Variants in C8orf34 observed in about 807,000 individuals in gnomAD.
C8orf34 encodes uncharacterized protein C8orf34.
Under a neutral mutation model 68.3 loss-of-function variants are expected in C8orf34, and 65 were observed. That is an observed-to-expected ratio of 0.95 (90% confidence interval 0.78 to 1.17). The LOEUF is 1.17. Ranked by LOEUF, C8orf34 falls within the 50% of genes most tolerant of loss-of-function variation. The pLI is 0.00. For synonymous variants in C8orf34, 244 were observed against 241.2 expected (o/e 1.01, Z -0.11); for missense variants, 664 against 655.4 (o/e 1.01, Z -0.14).
chr8:68,346,092 T>A (rs562212595), intron 1 of C8orf34, among the ~76,000 whole-genome samples: 1 of 152,272 alleles, frequency 6.6e-6, no homozygotes, highest in South Asian at 2.1e-4. Context: ...AAATAGAATA[T>A]GTTATTTATT....
chr8:68,368,105 G>T (rs1807392993), intron 1 of C8orf34, among the ~76,000 whole-genome samples: 1 of 152,028 alleles, frequency 6.6e-6, no homozygotes. Context: ...GCTCAGCAAA[G>T]TCATTATGCC....
intron 12 of C8orf34, chr8:68,792,231 GAAAT>G: frequency 6.6e-6 from 1 of 152,068 alleles, no homozygotes; most frequent in East Asian, 1.9e-4. Context: ...AGAAAGGAAA[GAAAT>G]AAGACAATCA....
At chr8:68,503,580 G>A (rs1813871187) in intron 5 of C8orf34, among the ~76,000 whole-genome samples, 2 of 151,914 alleles carry the variant, frequency 1.3e-5, no homozygotes, top group Admixed American at 6.6e-5. Context: ...GGGGAGAAGA[G>A]AGAATATTGG....
chr8:68,569,468 C>T (rs1237315244), intron 7 of C8orf34, among the ~76,000 whole-genome samples: 4 of 151,722 alleles, frequency 2.6e-5, no homozygotes, highest in Non-Finnish European at 4.4e-5. Context: ...CCTCCACCTT[C>T]ATTGATGCCC....
intron 10 of C8orf34, among the ~76,000 whole-genome samples, chr8:68,733,744 A>G (rs1420360847): frequency 6.6e-6 from 1 of 152,218 alleles, no homozygotes; most frequent in Non-Finnish European, 1.5e-5. Context: ...AGCTTAAATC[A>G]TATTCACAAG....
At chr8:68,603,533 C>CATACA (rs1817764536) in intron 7 of C8orf34, among the ~76,000 whole-genome samples, 5 of 85,524 alleles carry the variant, frequency 5.8e-5, no homozygotes, top group African/African-American at 5.7e-4. Context: ...ATCTATCTAT[C>CATACA]TATCTATCTA....
intron 7 of C8orf34, among the ~76,000 whole-genome samples, chr8:68,546,881 C>T (rs1451253721): frequency 6.6e-6 from 1 of 151,608 alleles, no homozygotes; most frequent in Non-Finnish European, 1.5e-5. Flanking sequence ...ATAATTCAAA[C>T]TAAATGATAA....
intron 8 of C8orf34, among the ~76,000 whole-genome samples, chr8:68,652,568 A>G (rs1819393421): frequency 6.6e-6 from 1 of 152,100 alleles, no homozygotes. Context: ...TCTATGATGT[A>G]TTTTGACTTA....
intron 10 of C8orf34, among the ~76,000 whole-genome samples, chr8:68,737,069 T>C (rs1822142430): frequency 6.6e-6 from 1 of 152,114 alleles, no homozygotes; most frequent in Admixed American, 6.6e-5. Context: ...CTATAAGTAA[T>C]AGGATTTAGT....
chr8:68,465,656 A>T (rs1372114183), intron 3 of C8orf34, among the ~76,000 whole-genome samples: 2 of 152,124 alleles, frequency 1.3e-5, no homozygotes, highest in Non-Finnish European at 2.9e-5. Context: ...TTGTAGGGAC[A>T]CGGATGAAAT....
chr8:68,356,354 TG>T (rs1378618721), intron 1 of C8orf34, among the ~76,000 whole-genome samples: 1 of 152,168 alleles, frequency 6.6e-6, no homozygotes, highest in Non-Finnish European at 1.5e-5. Flanking sequence ...ACATATTTAT[TG>T]GGTACTATAT....
At chr8:68,478,221 C>T (rs1483177168) in intron 4 of C8orf34, among the ~76,000 whole-genome samples, 2 of 151,220 alleles carry the variant, frequency 1.3e-5, no homozygotes, top group Non-Finnish European at 3.0e-5. Context: ...GATAATCTCT[C>T]TCAAGTTCAA....
At chr8:68,807,547 T>C (rs1284344429) in intron 12 of C8orf34, among the ~76,000 whole-genome samples, 1 of 152,230 alleles carries the variant, frequency 6.6e-6, no homozygotes, top group African/African-American at 2.4e-5. Context: ...TTTAATTTTC[T>C]TATTAAGCAT....
chr8:68,439,436 A>C, intron 1 of C8orf34, 63 bp from the exon 2 acceptor site: 2 of 1,503,978 alleles, frequency 1.3e-6, no homozygotes, highest in Non-Finnish European at 9.1e-7. Context: ...ATGCTAAGTA[A>C]GTGCTTGCTA....
At chr8:68,436,652 G>A (rs903310179) in intron 1 of C8orf34, among the ~76,000 whole-genome samples, 1 of 152,112 alleles carries the variant, frequency 6.6e-6, no homozygotes, top group African/African-American at 2.4e-5. Context: ...TGGAAGTGCC[G>A]TTTCCTACTG....
At chr8:68,772,723 CTTTT>C (rs1354431309) in intron 10 of C8orf34, among the ~76,000 whole-genome samples, 3 of 81,168 alleles carry the variant, frequency 3.7e-5, no homozygotes, top group Non-Finnish European at 7.0e-5. Flanking sequence ...TTCTTTCTTT[CTTTT>C]TCTTTCTTTC....
chr8:68,521,896 T>C lies in C8orf34; in HGVS notation c.863T>C (p.Met288Thr). 1.2e-6 allele frequency: 2 copies of C among 1,614,114 alleles called. No homozygotes were observed. Among genetic ancestry groups the C allele is most frequent in the East Asian group, 4.5e-5 (2 of 44,862 alleles). Residue 288 changes from methionine to threonine, a missense_variant, in exon 6 of 14, where the codon ATG (methionine) becomes ACG (threonine). Physicochemically the swap from Met to Thr is moderately conservative, Grantham distance 81. Coordinates refer to ENST00000518698, the MANE Select transcript of C8orf34 (RefSeq NM_052958.4). ...GATGCTGATCCCCTAGCTGCTGAAA[T>C]GCTACAGCCTCCAATTCCAAGAAGC... is the stretch of plus-strand genomic sequence containing the variant. Reference protein sequence around the residue: ...ENDADPLAAEMLQPPIPRSKN... With the variant: ...ENDADPLAAETLQPPIPRSKN...
chr8:68,378,218 C>A (rs1173235502), intron 1 of C8orf34, among the ~76,000 whole-genome samples: 1 of 152,104 alleles, frequency 6.6e-6, no homozygotes, highest in Non-Finnish European at 1.5e-5. Flanking sequence ...ATGTTCTGTG[C>A]CTGAATGATG....
At chr8:68,437,194 A>G (rs1403601521) in intron 1 of C8orf34, among the ~76,000 whole-genome samples, 2 of 152,224 alleles carry the variant, frequency 1.3e-5, no homozygotes, top group Admixed American at 6.5e-5. Context: ...TTAAAACTTA[A>G]TAGTAATTAC....
Sources: allele counts gnomAD v4.1 joint callset (sites outside exome capture counted in the v4.1 genomes callset), GRCh38; gene constraint gnomAD v4.1.1; transcripts MANE v1.5; gene names NCBI Gene and HGNC (gene_info 2026-07-23, HGNC 2026-07-21).